Variants in ADAM2 observed in about 807,000 individuals in gnomAD.
ADAM2 encodes the protein ADAM metallopeptidase domain 2, also known as disintegrin and metalloproteinase domain-containing protein 2.
Under a neutral mutation model 99.3 loss-of-function variants are expected in ADAM2, and 101 were observed. That is an observed-to-expected ratio of 1.02 (90% CI 0.87 to 1.20). The LOEUF (loss-of-function observed/expected upper bound fraction) is 1.20. Among genes scored for constraint, ADAM2 ranks in the 50% most tolerant of loss-of-function variants. The pLI is 0.00. For synonymous variants in ADAM2, 323 were observed against 287.6 expected (o/e 1.12, Z -1.25); for missense variants, 948 against 878.7 (o/e 1.08, Z -1.00).
chr8:39,795,760 C>G (rs1803911556), intron 7 of ADAM2, among the ~76,000 whole-genome samples: 1 of 152,054 alleles, frequency 6.6e-6, no homozygotes, highest in African/African-American at 2.4e-5. Flanking sequence ...TTGATTGGTA[C>G]CTATCTCAGA....
chr8:39,814,039 T>C (rs1466403323), intron 6 of ADAM2, among the ~76,000 whole-genome samples: 1 of 151,360 alleles, frequency 6.6e-6, no homozygotes, highest in East Asian at 1.9e-4. Context: ...CTGTGTGTGT[T>C]GAAAAGGTGG....
At chr8:39,777,392 A>G (rs1803033910) in intron 10 of ADAM2, among the ~76,000 whole-genome samples, 1 of 152,148 alleles carries the variant, frequency 6.6e-6, no homozygotes, top group Non-Finnish European at 1.5e-5. Context: ...AGACAAAGAA[A>G]AAAAATTGCC....
At chr8:39,810,841 T>C (rs1253964501) in intron 6 of ADAM2, among the ~76,000 whole-genome samples, 1 of 151,860 alleles carries the variant, frequency 6.6e-6, no homozygotes, top group African/African-American at 2.4e-5. Flanking sequence ...AGGAAAGATC[T>C]AAAATTGACA....
At chr8:39,800,817 G>C (rs1487392725) in intron 7 of ADAM2, among the ~76,000 whole-genome samples, 1 of 152,040 alleles carries the variant, frequency 6.6e-6, no homozygotes, top group Admixed American at 6.6e-5. Context: ...GGTCAATTCA[G>C]CTGTTGATAC....
Position 39,755,865 on chromosome 8 carries a change from A to C in ADAM2, c.1660T>G (p.Leu554Val). 6.3e-7 allele frequency: 1 copy of C among 1,587,230 alleles called. No homozygotes were observed. The highest frequency in any genetic ancestry group is 2.2e-5 in the East Asian group (1 of 44,644). ...ATAGTGGCTCTTGGAATTTGTAATA[A>C]AAATTTACCTACATATTTACATATT... ...KLICKYVGKF[L>V]LQIPRATIIY... The change falls in exon 16 of 21, where the codon TTA (leucine) becomes GTA (valine). Residue 554 changes from leucine to valine, a missense_variant. By Grantham distance (32) the Leu-to-Val change is conservative. Coordinates refer to ENST00000265708, the MANE Select transcript of ADAM2 (RefSeq NM_001464.5).
Position 39,786,260 on chromosome 8 carries a change from G to A in ADAM2, c.891+714C>T, listed in dbSNP as rs941310866. On this transcript the variant is annotated intron_variant, in intron 10 of 20. Transcript: ENST00000265708. ...CCTTAGCATCTCACAATATACCCAG[G>A]TGACAAACTTGTATATGTATGCCCT... Among the ~76,000 whole-genome samples the A allele has an allele frequency of 5.7e-4, 87 of 152,126 alleles. 1 individual carries two copies. The highest frequency in any genetic ancestry group is 2.1e-3 in the African/African-American group (85 of 41,424).
At chr8:39,797,302 G>A (rs1169374069) in intron 7 of ADAM2, among the ~76,000 whole-genome samples, 4 of 152,256 alleles carry the variant, frequency 2.6e-5, no homozygotes, top group Admixed American at 6.5e-5. Flanking sequence ...TTACTGAATC[G>A]GAGATCCTTT....
At chr8:39,818,869 T>C (rs1284654459) in intron 6 of ADAM2, among the ~76,000 whole-genome samples, 1 of 151,990 alleles carries the variant, frequency 6.6e-6, no homozygotes, top group Non-Finnish European at 1.5e-5. Context: ...GGCTTAAATA[T>C]ATAAAACATT....
chr8:39,820,461 A>G (rs1805130310), intron 6 of ADAM2, among the ~76,000 whole-genome samples: 1 of 152,128 alleles, frequency 6.6e-6, no homozygotes, highest in South Asian at 2.1e-4. Context: ...TGGAATGGGA[A>G]CCTAGAGAAG....
intron 6 of ADAM2, 77 bp downstream of exon 6, chr8:39,820,925 A>T: frequency 1.1e-6 from 1 of 945,838 alleles, no homozygotes; most frequent in Admixed American, 2.6e-5. Flanking sequence ...GTAAATATGT[A>T]ATTTATCAAC....
At chr8:39,790,549 T>A (rs150282698) in intron 7 of ADAM2, among the ~76,000 whole-genome samples, 62 of 152,064 alleles carry the variant, frequency 4.1e-4, no homozygotes, top group African/African-American at 1.5e-3. Context: ...GGATTGGGAG[T>A]AATTGCTAAT....
At chr8:39,793,780 C>T (rs1008553905) in intron 7 of ADAM2, among the ~76,000 whole-genome samples, 13 of 152,010 alleles carry the variant, frequency 8.6e-5, no homozygotes, top group African/African-American at 1.7e-4. Context: ...TGATGGGTTT[C>T]GAACTGGAGA....
Position 39,787,032 on chromosome 8 carries a change from A to G in ADAM2, c.833T>C (p.Val278Ala), listed in dbSNP as rs373837116. 57 of 1,591,104 alleles carry G rather than the reference A, an allele frequency of 3.6e-5. No individual in the cohort carries two copies. The African/African-American group carries it at 6.6e-4, about 18-fold the overall frequency. Residue 278 changes from valine to alanine, a missense_variant, in exon 10 of 21, where the codon GTT becomes GCT. Val to Ala is a moderately conservative substitution (Grantham distance 64). Transcript: ENST00000265708. ...CATCTTCCCTTGAAAGGTTGCACCAACATAATTTGACTTTTCTCTGTAACT... is the reference window on the plus strand; with the variant it reads ...CATCTTCCCTTGAAAGGTTGCACCAGCATAATTTGACTTTTCTCTGTAACT... ...LLVYREKSNY[V>A]GATFQGKMCD...
intron 11 of ADAM2, among the ~76,000 whole-genome samples, chr8:39,772,094 G>A (rs1353309205): frequency 6.8e-6 from 1 of 147,628 alleles, no homozygotes; most frequent in African/African-American, 2.5e-5. Context: ...AAAAGAAAGA[G>A]GGGAGAGAGA....
rs755571952 is a variant in ADAM2, at chr8:39,788,269, C to T, written c.643-18G>A. 1.9e-5 allele frequency: 27 copies of T among 1,438,556 alleles called. No homozygotes were observed. The highest frequency in any genetic ancestry group is 8.7e-5 in the South Asian group (6 of 68,900). 89.1% of individuals were successfully genotyped at this position (1,438,556 alleles called of 1,614,324 possible). A position where few individuals can be genotyped will look rare whatever the true frequency, so the allele number is the denominator to read the frequency against. ...ACAAAAATCTAAAATAGAAAACATA[C>T]AAAAGTGTGCTCAAAAGTCACAGTT... On this transcript the variant is annotated intron_variant, in intron 8 of 20. Coordinates refer to ENST00000265708, the MANE Select transcript of ADAM2 (RefSeq NM_001464.5).
chr8:39,786,075 G>A (rs1005766942), intron 10 of ADAM2, among the ~76,000 whole-genome samples: 9 of 152,100 alleles, frequency 5.9e-5, no homozygotes, highest in African/African-American at 9.7e-5. Flanking sequence ...CAAATACTGC[G>A]TGTTCTCACT....
At chr8:39,782,364 T>C (rs1803268452) in intron 10 of ADAM2, among the ~76,000 whole-genome samples, 2 of 152,174 alleles carry the variant, frequency 1.3e-5, no homozygotes, top group African/African-American at 4.8e-5. Flanking sequence ...TTTTGATATA[T>C]TGCAAAATTC....
intron 19 of ADAM2, among the ~76,000 whole-genome samples, chr8:39,745,987 A>ATG (rs372267374): frequency 1.6e-4 from 24 of 145,994 alleles, no homozygotes; most frequent in African/African-American, 2.5e-4. Flanking sequence ...ATGCATGTGT[A>ATG]TGTGTGTGTG....
intron 10 of ADAM2, among the ~76,000 whole-genome samples, chr8:39,786,501 A>T (rs545972597): frequency 6.6e-6 from 1 of 152,272 alleles, no homozygotes; most frequent in East Asian, 1.9e-4. Context: ...GAATACACTA[A>T]CATTCTCTAC....
Sources: allele counts gnomAD v4.1 joint callset (sites outside exome capture counted in the v4.1 genomes callset), GRCh38; gene constraint gnomAD v4.1.1; transcripts MANE v1.5; gene names NCBI Gene and HGNC (gene_info 2026-07-23, HGNC 2026-07-21).